Variants in SMYD3 observed in about 807,000 individuals in gnomAD.
The protein encoded by SMYD3 is histone-lysine N-methyltransferase SMYD3.
A neutral mutation model predicts 57.7 loss-of-function variants in SMYD3; 36 were observed. That is an observed-to-expected ratio of 0.62 (90% CI 0.48 to 0.82). SMYD3 has a LOEUF of 0.82. Ranked by LOEUF, SMYD3 falls within the 40% of genes least tolerant of loss-of-function variation. SMYD3 has a pLI of 0.00. For missense variants in SMYD3, 515 were observed against 538.8 expected (o/e 0.96, Z 0.44); for synonymous variants, 211 against 195.0 (o/e 1.08, Z -0.68).
chr1:246,277,979 G>T (rs142501755), intron 5 of SMYD3, among the ~76,000 whole-genome samples: 3 of 152,082 alleles, frequency 2.0e-5, no homozygotes, highest in African/African-American at 7.2e-5. Flanking sequence ...ATACATATTT[G>T]TTAATACCCA....
chr1:246,477,623 G>C (rs2068045568), intron 1 of SMYD3, among the ~76,000 whole-genome samples: 1 of 152,160 alleles, frequency 6.6e-6, no homozygotes, highest in Admixed American at 6.5e-5. Flanking sequence ...CAATTACATA[G>C]TTACAGCAAT....
At chr1:246,173,561 G>T (rs2062380390) in intron 5 of SMYD3, among the ~76,000 whole-genome samples, 1 of 151,688 alleles carries the variant, frequency 6.6e-6, no homozygotes, top group African/African-American at 2.4e-5. Flanking sequence ...TATAAGCTTT[G>T]AACTATTTTT....
At chr1:246,058,191 A>C (rs1228790899) in intron 5 of SMYD3, among the ~76,000 whole-genome samples, 1 of 152,200 alleles carries the variant, frequency 6.6e-6, no homozygotes, top group African/African-American at 2.4e-5. Flanking sequence ...GGAATGTACA[A>C]CACCAAGAGT....
intron 8 of SMYD3, among the ~76,000 whole-genome samples, chr1:245,869,558 C>G (rs1283147462): frequency 6.6e-6 from 1 of 152,202 alleles, no homozygotes; most frequent in African/African-American, 2.4e-5. Context: ...TTATTTTAAA[C>G]AGTACAATCG....
At chr1:246,290,778 T>C (rs2148592878) in intron 5 of SMYD3, among the ~76,000 whole-genome samples, 1 of 152,298 alleles carries the variant, frequency 6.6e-6, no homozygotes, top group African/African-American at 2.4e-5. Flanking sequence ...GAAAAAAATC[T>C]AGCTTCCTTC....
intron 10 of SMYD3, among the ~76,000 whole-genome samples, chr1:245,815,732 GT>G (rs2048768802): frequency 6.6e-6 from 1 of 152,190 alleles, no homozygotes; most frequent in Non-Finnish European, 1.5e-5. Context: ...AGTCTATAAA[GT>G]TTTTCCACAG....
intron 7 of SMYD3, among the ~76,000 whole-genome samples, chr1:245,920,179 G>A (rs570954668): frequency 8.5e-5 from 13 of 152,190 alleles, no homozygotes; most frequent in East Asian, 1.9e-4. Flanking sequence ...CAGGCGTGGT[G>A]GCGGGCGCCT....
chr1:246,253,712 A>G (rs1367272294), intron 5 of SMYD3, among the ~76,000 whole-genome samples: 8 of 152,202 alleles, frequency 5.3e-5, no homozygotes, highest in Non-Finnish European at 2.9e-5. Context: ...GTAGGTGTGT[A>G]TATCTACTGC....
intron 5 of SMYD3, among the ~76,000 whole-genome samples, chr1:246,227,985 A>G (rs548916727): frequency 8.0e-6 from 1 of 125,514 alleles, no homozygotes; most frequent in Non-Finnish European, 1.6e-5. Context: ...TTTTGGAGAC[A>G]AAGTCTCACT....
At chr1:246,381,916 G>A (rs1572443020) in intron 1 of SMYD3, among the ~76,000 whole-genome samples, 2 of 144,298 alleles carry the variant, frequency 1.4e-5, no homozygotes, top group Non-Finnish European at 1.5e-5. Context: ...CAGGCCCACC[G>A]CGGGCTCCAG....
At chr1:246,282,321 A>AAAAAAAAAAAAAAAAAC (rs2064464512) in intron 5 of SMYD3, among the ~76,000 whole-genome samples, 1 of 83,154 alleles carries the variant, frequency 1.2e-5, no homozygotes, top group Non-Finnish European at 2.7e-5. Flanking sequence ...AAAAAAAAAA[A>AAAAAAAAAAAAAAAAAC]AAAAAAAAAA....
At chr1:246,499,073 G>A (rs1189154223) in intron 1 of SMYD3, among the ~76,000 whole-genome samples, 1 of 151,988 alleles carries the variant, frequency 6.6e-6, no homozygotes, top group Admixed American at 6.6e-5. Context: ...GGGATTACAG[G>A]TGTAAGCCAC....
At chr1:246,301,345 C>T (rs918194595) in intron 5 of SMYD3, among the ~76,000 whole-genome samples, 2 of 152,006 alleles carry the variant, frequency 1.3e-5, no homozygotes, top group African/African-American at 4.8e-5. Context: ...CAAGACAAAC[C>T]AATAAGTAAC....
chr1:246,247,485 A>AT (rs138494796), intron 5 of SMYD3, among the ~76,000 whole-genome samples: 1 of 138,044 alleles, frequency 7.2e-6, no homozygotes, highest in Non-Finnish European at 1.5e-5. Context: ...ATATATATAT[A>AT]TTTTTTAACA....
intron 5 of SMYD3, among the ~76,000 whole-genome samples, chr1:246,237,747 C>A (rs2063534671): frequency 6.6e-6 from 1 of 152,168 alleles, no homozygotes; most frequent in South Asian, 2.1e-4. Flanking sequence ...AAGCATTTTA[C>A]ACTGAATTAG....
intron 5 of SMYD3, among the ~76,000 whole-genome samples, chr1:246,001,403 G>T (rs958822060): frequency 5.9e-5 from 9 of 152,130 alleles, no homozygotes; most frequent in African/African-American, 2.2e-4. Context: ...CTTATAGGGT[G>T]CAGATGTTTT....
intron 5 of SMYD3, among the ~76,000 whole-genome samples, chr1:246,213,203 G>C (rs927243641): frequency 1.3e-5 from 2 of 152,108 alleles, no homozygotes; most frequent in African/African-American, 2.4e-5. Context: ...TGCTCTTTTT[G>C]TCAGTTACCT....
chr1:245,760,306 T>C (rs1474102603), intron 11 of SMYD3, among the ~76,000 whole-genome samples: 1 of 152,162 alleles, frequency 6.6e-6, no homozygotes, highest in Non-Finnish European at 1.5e-5. Flanking sequence ...ATCCCGAGGG[T>C]GCCCGTCTGA....
intron 1 of SMYD3, among the ~76,000 whole-genome samples, chr1:246,386,771 G>A (rs1033401552): frequency 1.3e-5 from 2 of 152,026 alleles, no homozygotes; most frequent in Admixed American, 6.5e-5. Flanking sequence ...GAGAGAAAGG[G>A]TGGGAGAAAT....
Sources: allele counts gnomAD v4.1 joint callset (sites outside exome capture counted in the v4.1 genomes callset), GRCh38; gene constraint gnomAD v4.1.1; transcripts MANE v1.5; gene names NCBI Gene and HGNC (gene_info 2026-07-23, HGNC 2026-07-21).